Variants in RTF1 observed in about 807,000 individuals in gnomAD.
RTF1 encodes the protein RTF1 homolog, Paf1/RNA polymerase II complex component.
In RTF1, 10 loss-of-function variants were observed where a neutral mutation model predicts 95.7. The ratio of observed to expected loss-of-function variants is 0.10; its 90% CI spans 0.06 to 0.18. The LOEUF (loss-of-function observed/expected upper bound fraction) is 0.18. Among genes scored for constraint, RTF1 ranks in the 10% least tolerant of loss-of-function variants. The probability of loss-of-function intolerance (pLI) is 1.00; values close to 1 mark genes in which losing one functional copy is unlikely to be tolerated. For missense variants in RTF1, 458 were observed against 875.6 expected (o/e 0.52, Z 6.02); for synonymous variants, 305 against 311.8 (o/e 0.98, Z 0.23).
rs570426207 is a variant in RTF1 at position 41,430,971 on chromosome 15, C to T, written c.199-7350C>T. On this transcript the variant is annotated intron_variant, in intron 1 of 17. Transcript: ENST00000389629. ...GGGCTGGAGTGCAGTGGTGTGATCT[C>T]GGCTCACTGCAACCTCCACCTCCTA... Among the ~76,000 whole-genome samples the T allele has an allele frequency of 2.6e-5, 4 of 151,670 alleles. No individual in the cohort carries two copies. The South Asian group carries it at 6.3e-4, about 24-fold the overall frequency.
chr15:41,480,126 T>C (rs937077348), intron 16 of RTF1, 88 bp from the exon 17 acceptor site: 15 of 824,662 alleles, frequency 1.8e-5, no homozygotes, highest in Non-Finnish European at 2.9e-5. Context: ...TGAACTCAAA[T>C]AAGAGCTTCG....
Position 41,470,375 on chromosome 15 carries a change from G to T in RTF1, c.1008G>T (p.Ser336=). ...CAGACCGCTCATCACGAACATCATC[G>T]TCTGATGAAGAAGAGGAGTAAGCTC... ...EKSDRSSRTS[S]SDEEEEKEEI... is the part of the protein sequence containing the mutation. Residue 336 remains serine (S), a synonymous_variant, in exon 7 of 18, where the codon TCG becomes TCT. Transcript: ENST00000389629. 6.2e-7 allele frequency: 1 copy of T among 1,614,092 alleles called. No individual in the cohort carries two copies. Among genetic ancestry groups the T allele is most frequent in the Non-Finnish European group, 8.5e-7 (1 of 1,180,000 alleles).
At chr15:41,427,387 G>A (rs933253101) in intron 1 of RTF1, among the ~76,000 whole-genome samples, 4 of 151,950 alleles carry the variant, frequency 2.6e-5, no homozygotes, top group South Asian at 2.1e-4. Context: ...TCCTGACCTC[G>A]TGATCCACCC....
rs972055306 is a variant in RTF1, at chr15:41,477,351, C to T, written c.1682+65C>T. The T allele has an allele frequency of 1.9e-6, 3 of 1,613,282 alleles. No individual in the cohort carries two copies. The African/African-American group carries it at 4.0e-5, about 22-fold the overall frequency. On this transcript the variant is annotated intron_variant, in intron 13 of 17. Coordinates refer to ENST00000389629, the MANE Select transcript of RTF1 (RefSeq NM_015138.5). ...CAAAATTATCAGGCAAGCCTGTGGC[C>T]TGTACACTCTGTGCTGCACTGACCC... is the stretch of plus-strand genomic sequence containing the variant.
intron 1 of RTF1, among the ~76,000 whole-genome samples, chr15:41,426,866 G>C (rs962222500): frequency 1.3e-5 from 2 of 148,400 alleles, no homozygotes; most frequent in African/African-American, 4.9e-5. Context: ...TTTTTAGGCA[G>C]AGTCTCACTC....
chr15:41,427,573 A>G (rs958357779), intron 1 of RTF1, among the ~76,000 whole-genome samples: 1 of 152,066 alleles, frequency 6.6e-6, no homozygotes, highest in African/African-American at 2.4e-5. Context: ...CCAGCTACCC[A>G]GGAGGCTGAG....
intron 8 of RTF1, among the ~76,000 whole-genome samples, chr15:41,472,225 A>G (rs1031567533): frequency 4.7e-5 from 6 of 128,014 alleles, no homozygotes; most frequent in Non-Finnish European, 9.8e-5. Flanking sequence ...TTTTTTTTTC[A>G]GACAGAGTTT....
rs1491155733 is a variant in RTF1, at chr15:41,468,174, AAG to A, written c.889+1924_889+1925del. ...AGAGTGAGACTCTGTCTCAAAAAAA[AAG>A]AAAAAGAAATAATAACGTGTTCTGT... On this transcript the variant is annotated intron_variant, in intron 6 of 17. Transcript: ENST00000389629. Among the ~76,000 whole-genome samples, 3 of 152,116 alleles carry A rather than the reference AAG, an allele frequency of 2.0e-5. No individual in the cohort carries two copies. In the East Asian group the frequency reaches 5.8e-4, roughly 29 times the overall value.
intron 12 of RTF1, 22 bp from the exon 13 acceptor site, chr15:41,477,143 T>C (rs1416854915): frequency 1.2e-6 from 2 of 1,614,100 alleles, no homozygotes; most frequent in East Asian, 4.5e-5. Flanking sequence ...AAGAACGAAC[T>C]CACACATCTC....
intron 4 of RTF1, among the ~76,000 whole-genome samples, chr15:41,459,037 A>T (rs936659810): frequency 9.9e-5 from 15 of 151,930 alleles, no homozygotes; most frequent in Non-Finnish European, 2.1e-4. Context: ...ATGCCACTGG[A>T]CTCCAGCCTG....
At chr15:41,437,108 C>G (rs1434110532) in intron 1 of RTF1, among the ~76,000 whole-genome samples, 1 of 151,342 alleles carries the variant, frequency 6.6e-6, no homozygotes, top group African/African-American at 2.4e-5. Flanking sequence ...ACAATAAAAA[C>G]CAAGAACAAC....
intron 4 of RTF1, among the ~76,000 whole-genome samples, chr15:41,458,606 T>G (rs2050830742): frequency 6.7e-6 from 1 of 148,788 alleles, no homozygotes; most frequent in African/African-American, 2.5e-5. Flanking sequence ...AAAATTAGCC[T>G]GGTGTGGTGT....
rs189949782 is a variant in RTF1 at position 41,469,049 on chromosome 15, A to G, written c.890-1208A>G. Among the ~76,000 whole-genome samples the G allele has an allele frequency of 2.6e-3, 393 of 151,776 alleles. 2 individuals carry two copies. Among genetic ancestry groups the G allele is most frequent in the South Asian group, 6.3e-3 (30 of 4,796 alleles). On this transcript the variant is annotated intron_variant, in intron 6 of 17. Coordinates refer to ENST00000389629, the MANE Select transcript of RTF1 (RefSeq NM_015138.5). ...AGTGGCGCGATCTCGGCTCATTGCA[A>G]CCTTCACCTCCCGGGTTCAAGCGAT...
chr15:41,467,378 A>G (rs146872569), intron 6 of RTF1, among the ~76,000 whole-genome samples: 2 of 152,274 alleles, frequency 1.3e-5, no homozygotes, highest in African/African-American at 4.8e-5. Flanking sequence ...ACTAAGGCAT[A>G]TAGCAAAGGA....
At chr15:41,470,898 TC>T (rs1324362590) in intron 7 of RTF1, among the ~76,000 whole-genome samples, 1 of 152,074 alleles carries the variant, frequency 6.6e-6, no homozygotes, top group Non-Finnish European at 1.5e-5. Flanking sequence ...GACCTCGTGA[TC>T]CGCCCGCCTC....
intron 6 of RTF1, among the ~76,000 whole-genome samples, chr15:41,468,434 C>T (rs1406730214): frequency 2.0e-5 from 3 of 152,012 alleles, no homozygotes; most frequent in African/African-American, 7.2e-5. Flanking sequence ...TCTCCTGCCT[C>T]AGCCTCCTGA....
intron 1 of RTF1, among the ~76,000 whole-genome samples, chr15:41,431,050 C>T (rs1440112132): frequency 1.3e-5 from 2 of 151,118 alleles, no homozygotes; most frequent in African/African-American, 2.4e-5. Flanking sequence ...ATTACAGGCG[C>T]CTGCCACCAT....
chr15:41,479,740 A>G (rs1411425248), intron 16 of RTF1, among the ~76,000 whole-genome samples: 2 of 151,846 alleles, frequency 1.3e-5, no homozygotes, highest in South Asian at 4.2e-4. Flanking sequence ...GCGGGTTCCG[A>G]TAACTCCAGC....
intron 1 of RTF1, among the ~76,000 whole-genome samples, chr15:41,431,685 G>C (rs532917829): frequency 6.6e-6 from 1 of 152,240 alleles, no homozygotes; most frequent in South Asian, 2.1e-4. Flanking sequence ...TTTTTGTACA[G>C]ACGGGGTTTC....
Sources: allele counts gnomAD v4.1 joint callset (sites outside exome capture counted in the v4.1 genomes callset), GRCh38; gene constraint gnomAD v4.1.1; transcripts MANE v1.5; gene names NCBI Gene and HGNC (gene_info 2026-07-23, HGNC 2026-07-21).